Variants in CSRNP3 observed in about 807,000 individuals in gnomAD.
CSRNP3 encodes cysteine and serine rich nuclear protein 3, also known as cysteine/serine-rich nuclear protein 3.
A neutral mutation model predicts 48.0 loss-of-function variants in CSRNP3; 12 were observed. The observed-to-expected ratio is 0.25, with a 90% CI of 0.16 to 0.41. The LOEUF (loss-of-function observed/expected upper bound fraction) is 0.41. Ranked by LOEUF, CSRNP3 falls within the 10% of genes least tolerant of loss-of-function variation. The pLI is 1.00. For synonymous variants in CSRNP3, 263 were observed against 269.7 expected (o/e 0.98, Z 0.24); for missense variants, 580 against 724.4 (o/e 0.80, Z 2.29).
At chr2:165,486,180 T>G (rs1485418150) in intron 1 of CSRNP3, among the ~76,000 whole-genome samples, 1 of 152,090 alleles carries the variant, frequency 6.6e-6, no homozygotes, top group Non-Finnish European at 1.5e-5. Context: ...AATAAATGGG[T>G]GACGGACGCA....
intron 4 of CSRNP3, among the ~76,000 whole-genome samples, chr2:165,651,657 CTTT>C (rs35970195): frequency 1.5e-5 from 2 of 132,210 alleles, no homozygotes; most frequent in Non-Finnish European, 1.6e-5. Flanking sequence ...ATTTTGAAAG[CTTT>C]TTTTTTTTTT....
intron 2 of CSRNP3, among the ~76,000 whole-genome samples, chr2:165,511,510 A>G (rs1684505468): frequency 6.6e-6 from 1 of 152,120 alleles, no homozygotes; most frequent in South Asian, 2.1e-4. Flanking sequence ...GGCCTTAGGG[A>G]GGAGAAGGAT....
intron 5 of CSRNP3, among the ~76,000 whole-genome samples, chr2:165,665,332 C>T (rs781649946): frequency 1.6e-4 from 25 of 152,276 alleles, no homozygotes; most frequent in Admixed American, 6.5e-4. Flanking sequence ...GCTCAGCTAA[C>T]TAAAAGTCAT....
intron 3 of CSRNP3, among the ~76,000 whole-genome samples, chr2:165,562,242 A>C (rs1685244282): frequency 6.6e-6 from 1 of 152,222 alleles, no homozygotes; most frequent in African/African-American, 2.4e-5. Context: ...ACATGGAGAA[A>C]GGTTGAAGCA....
intron 3 of CSRNP3, among the ~76,000 whole-genome samples, chr2:165,558,006 G>C (rs1290502751): frequency 1.3e-5 from 2 of 152,038 alleles, no homozygotes; most frequent in Non-Finnish European, 2.9e-5. Context: ...TTTTCAACCT[G>C]AATAGTTCCA....
intron 1 of CSRNP3, among the ~76,000 whole-genome samples, chr2:165,488,235 A>G (rs1684149870): frequency 9.5e-6 from 1 of 105,254 alleles, no homozygotes; most frequent in African/African-American, 3.9e-5. Context: ...CAATTCAACA[A>G]GAGGAGCTAA....
chr2:165,470,067 G>T (rs760442652), intron 1 of CSRNP3, among the ~76,000 whole-genome samples: 1 of 152,076 alleles, frequency 6.6e-6, no homozygotes, highest in Non-Finnish European at 1.5e-5. Flanking sequence ...TTTAATTCAA[G>T]CTTGTTACTA....
chr2:165,645,382 C>G (rs1219345118), intron 4 of CSRNP3, among the ~76,000 whole-genome samples: 4 of 152,094 alleles, frequency 2.6e-5, no homozygotes, highest in Non-Finnish European at 4.4e-5. Context: ...TAATCTCATT[C>G]ATGAGAGTGC....
At chr2:165,606,580 A>T (rs1210248225) in intron 4 of CSRNP3, among the ~76,000 whole-genome samples, 2 of 152,102 alleles carry the variant, frequency 1.3e-5, no homozygotes, top group African/African-American at 4.8e-5. Context: ...TGAAGGAGGA[A>T]CTCTCCTAAC....
chr2:165,535,737 T>C (rs1406982578), intron 3 of CSRNP3, among the ~76,000 whole-genome samples: 2 of 151,790 alleles, frequency 1.3e-5, no homozygotes, highest in African/African-American at 2.4e-5. Flanking sequence ...AATGAGATCA[T>C]GGCTTGGACT....
intron 5 of CSRNP3, among the ~76,000 whole-genome samples, chr2:165,675,564 A>C (rs2105362767): frequency 6.6e-6 from 1 of 152,336 alleles, no homozygotes; most frequent in East Asian, 1.9e-4. Context: ...AATCATGTGT[A>C]TGTGAGACCG....
rs1318223913 is a variant in CSRNP3 at position 165,489,069 on chromosome 2, AAGAG to A, written c.-282-5686_-282-5683del. Among the ~76,000 whole-genome samples the A allele has an allele frequency of 3.4e-5, 5 of 147,980 alleles. No individual in the cohort carries two copies. The East Asian group carries it at 9.8e-4, about 29-fold the overall frequency. ...CGCTAGCAAGACTAATAAAGAGAAA[AAGAG>A]AGAAGAATCAAATAGACACAATAAA... On this transcript the variant is annotated intron_variant, in intron 1 of 6. Coordinates refer to ENST00000651982, the MANE Select transcript of CSRNP3 (RefSeq NM_001172173.2).
intron 4 of CSRNP3, among the ~76,000 whole-genome samples, chr2:165,635,877 A>G (rs1210668124): frequency 6.6e-6 from 1 of 151,944 alleles, no homozygotes; most frequent in Non-Finnish European, 1.5e-5. Flanking sequence ...CTTTGGTGCT[A>G]CCCTTCCTTG....
At chr2:165,494,244 C>T (rs2105460262) in intron 1 of CSRNP3, among the ~76,000 whole-genome samples, 1 of 152,172 alleles carries the variant, frequency 6.6e-6, no homozygotes, top group Admixed American at 6.6e-5. Context: ...GCAGGTATCG[C>T]CATTCCTAGC....
intron 4 of CSRNP3, among the ~76,000 whole-genome samples, chr2:165,657,307 T>C (rs539329270): frequency 6.6e-6 from 1 of 152,322 alleles, no homozygotes; most frequent in East Asian, 1.9e-4. Flanking sequence ...ATTTTACTGT[T>C]AGCTGTTGTA....
intron 3 of CSRNP3, among the ~76,000 whole-genome samples, chr2:165,557,056 G>A (rs1558933613): frequency 6.6e-6 from 1 of 152,168 alleles, no homozygotes; most frequent in Non-Finnish European, 1.5e-5. Flanking sequence ...TGGCAATCTT[G>A]TATAGCAAGG....
chr2:165,541,797 C>G (rs1020469929), intron 3 of CSRNP3, among the ~76,000 whole-genome samples: 1 of 152,090 alleles, frequency 6.6e-6, no homozygotes, highest in African/African-American at 2.4e-5. Context: ...AAGGCACAAG[C>G]CTTGATCACC....
At chr2:165,655,428 A>G (rs1440070441) in intron 4 of CSRNP3, among the ~76,000 whole-genome samples, 1 of 152,252 alleles carries the variant, frequency 6.6e-6, no homozygotes, top group East Asian at 1.9e-4. Flanking sequence ...TTCTAAGGAT[A>G]AAATGAGATA....
rs545751821 is a variant in CSRNP3, at chr2:165,679,175, G to A, written c.1180G>A (p.Val394Met). ...CGATGATGACAAAGGAGATGGCTTC[G>A]TGGAAGGTTTGGGCACCCATGCCGA... ...DDDDDKGDGF[V>M]EGLGTHAEVV... Residue 394 changes from valine (V) to methionine (M), a missense_variant, in exon 7 of 7, where the codon GTG (valine) becomes ATG (methionine). Physicochemically the swap from Val to Met is conservative, Grantham distance 21. This residue lies in a region of CSRNP3 where 369 missense variants were observed against 380.8 expected (regional missense o/e 0.97). Transcript: ENST00000651982. 52 of 1,613,922 alleles carry A rather than the reference G, an allele frequency of 3.2e-5. No homozygotes were observed. The Admixed American group carries it at 3.7e-4, about 11-fold the overall frequency.
Sources: allele counts gnomAD v4.1 joint callset (sites outside exome capture counted in the v4.1 genomes callset), GRCh38; gene constraint gnomAD v4.1.1; regional missense constraint gnomAD v4.1.1; transcripts MANE v1.5; gene names NCBI Gene and HGNC (gene_info 2026-07-23, HGNC 2026-07-21).